USP32: variants seen among roughly 807,000 people sequenced by gnomAD.
USP32 encodes the protein ubiquitin carboxyl-terminal hydrolase 32.
Under a neutral mutation model 204.8 loss-of-function variants are expected in USP32, and 59 were observed. The ratio of observed to expected loss-of-function variants is 0.29; its 90% confidence interval spans 0.23 to 0.36. The LOEUF (loss-of-function observed/expected upper bound fraction) is 0.36, where lower values mean the gene tolerates loss of function less well. Among genes scored for constraint, USP32 ranks in the 10% least tolerant of loss-of-function variants. The pLI, the probability that USP32 is intolerant of heterozygous loss-of-function variation, is 1.00. For missense variants in USP32, 1,160 were observed against 1,946.4 expected (o/e 0.60, Z 7.60); for synonymous variants, 517 against 678.4 (o/e 0.76, Z 3.70).
chr17:60,194,987 C>T (rs1007627508), intron 27 of USP32, among the ~76,000 whole-genome samples: 11 of 152,248 alleles, frequency 7.2e-5, no homozygotes, highest in African/African-American at 1.7e-4. Flanking sequence ...CTCAAGAAGT[C>T]GAGAACTATA....
At chr17:60,292,325 C>T (rs916091935) in intron 4 of USP32, among the ~76,000 whole-genome samples, 2 of 152,048 alleles carry the variant, frequency 1.3e-5, no homozygotes, top group Admixed American at 1.3e-4. Context: ...CACCTGTAAG[C>T]CAACAACAAA....
intron 1 of USP32, among the ~76,000 whole-genome samples, chr17:60,367,116 C>A (rs755776063): frequency 1.8e-4 from 27 of 152,252 alleles, no homozygotes; most frequent in African/African-American, 6.5e-4. Context: ...CGTGAGCCAC[C>A]GCGCCTAGCC....
At chr17:60,290,937 G>T (rs576536002) in intron 4 of USP32, among the ~76,000 whole-genome samples, 1 of 152,308 alleles carries the variant, frequency 6.6e-6, no homozygotes, top group African/African-American at 2.4e-5. Context: ...TCTCCAGGTA[G>T]ACCCTTCTAC....
At chr17:60,420,065 TTTTG>T (rs768478538) in intron 1 of USP32, among the ~76,000 whole-genome samples, 2 of 139,930 alleles carry the variant, frequency 1.4e-5, no homozygotes, top group African/African-American at 3.1e-5. Flanking sequence ...ATTTTATTTA[TTTTG>T]TTTATTTTAT....
intron 11 of USP32, among the ~76,000 whole-genome samples, chr17:60,250,366 C>T (rs184229232): frequency 1.6e-4 from 25 of 151,842 alleles, no homozygotes; most frequent in Non-Finnish European, 3.1e-4. Flanking sequence ...TAAAATAAGC[C>T]AATAAATATA....
intron 1 of USP32, among the ~76,000 whole-genome samples, chr17:60,406,697 G>C (rs780932121): frequency 1.6e-4 from 25 of 151,898 alleles, no homozygotes; most frequent in Non-Finnish European, 2.9e-4. Flanking sequence ...TGTATTTTTA[G>C]TAGAGACAGG....
intron 1 of USP32, 33 bp from the exon 2 acceptor site, chr17:60,345,641 T>A: frequency 2.5e-6 from 4 of 1,613,108 alleles, no homozygotes; most frequent in Non-Finnish European, 3.4e-6. Flanking sequence ...GGGTAAGAAA[T>A]CAGGAGAGAA....
At chr17:60,245,817 T>A (rs537360185) in intron 11 of USP32, among the ~76,000 whole-genome samples, 1 of 152,146 alleles carries the variant, frequency 6.6e-6, no homozygotes, top group African/African-American at 2.4e-5. Context: ...TCAGTGTTCA[T>A]ATAGGAATGT....
intron 1 of USP32, among the ~76,000 whole-genome samples, chr17:60,420,984 G>A (rs1274481411): frequency 1.3e-5 from 2 of 152,042 alleles, no homozygotes; most frequent in African/African-American, 4.8e-5. Flanking sequence ...TATTGTAACA[G>A]TCCTCATCAT....
intron 12 of USP32, among the ~76,000 whole-genome samples, chr17:60,229,920 T>C (rs145954033): frequency 6.6e-6 from 1 of 152,228 alleles, no homozygotes; most frequent in East Asian, 1.9e-4. Context: ...TTCAAGCAAT[T>C]CTCCTGCCTC....
intron 1 of USP32, among the ~76,000 whole-genome samples, chr17:60,350,508 C>CA (rs1261285817): frequency 1.3e-5 from 2 of 152,224 alleles, no homozygotes; most frequent in Non-Finnish European, 2.9e-5. Flanking sequence ...AGGCTGGTCT[C>CA]AAACTCCTGA....
chr17:60,180,474 T>C, intron 33 of USP32, 71 bp downstream of exon 33: 1 of 1,502,042 alleles, frequency 6.7e-7, no homozygotes, highest in Non-Finnish European at 9.2e-7. Context: ...TAGTCCATTA[T>C]TTCAACAAAT....
chr17:60,262,020 T>C (rs1308632815), intron 9 of USP32, among the ~76,000 whole-genome samples: 2 of 152,210 alleles, frequency 1.3e-5, no homozygotes, highest in African/African-American at 4.8e-5. Context: ...TAAAAACATA[T>C]AGAGCATTAT....
intron 4 of USP32, among the ~76,000 whole-genome samples, chr17:60,289,115 C>T (rs2087200372): frequency 6.6e-6 from 1 of 152,194 alleles, no homozygotes; most frequent in Admixed American, 6.5e-5. Flanking sequence ...TCACGCCATT[C>T]TCCTGCCTCA....
At chr17:60,384,581 C>T (rs1028483110) in intron 1 of USP32, among the ~76,000 whole-genome samples, 25 of 152,034 alleles carry the variant, frequency 1.6e-4, no homozygotes, top group Non-Finnish European at 3.5e-4. Flanking sequence ...CACCTGAGGT[C>T]GGGAGTTGGA....
chr17:60,342,006 C>T (rs57640850), intron 2 of USP32, among the ~76,000 whole-genome samples: 2,593 of 152,260 alleles, frequency 0.017, 78 homozygotes, highest in African/African-American at 0.058. Flanking sequence ...GAATTTTCAG[C>T]TTTTCTGCTC....
chr17:60,260,537 A>T (rs1313509461), intron 9 of USP32, among the ~76,000 whole-genome samples: 1 of 151,706 alleles, frequency 6.6e-6, no homozygotes, highest in Non-Finnish European at 1.5e-5. Context: ...AAAAAAATAC[A>T]GGAATAAATC....
chr17:60,256,699 A>G (rs2086316014), intron 9 of USP32: 1 of 1,124,056 alleles, frequency 8.9e-7, no homozygotes, highest in Admixed American at 3.9e-5. Flanking sequence ...GAGGAAAGGA[A>G]CATCAATGCC....
intron 29 of USP32, among the ~76,000 whole-genome samples, chr17:60,187,908 T>G (rs1419996110): frequency 6.6e-6 from 1 of 152,242 alleles, no homozygotes; most frequent in Non-Finnish European, 1.5e-5. Flanking sequence ...AATGAAGTAA[T>G]AGTTTTCATA....
Sources: gnomAD v4.1 joint callset for allele counts (sites outside exome capture counted in the v4.1 genomes callset) on GRCh38, gnomAD v4.1.1 for gene constraint, MANE v1.5 for transcripts, NCBI Gene and HGNC (gene_info 2026-07-23, HGNC 2026-07-21) for gene names.